PNPLA7: variants seen among roughly 807,000 people sequenced by gnomAD.
PNPLA7 encodes the protein patatin like domain 7, lysophospholipase, also known as patatin-like phospholipase domain-containing protein 7.
Under a neutral mutation model 161.7 loss-of-function variants are expected in PNPLA7, and 153 were observed. The observed-to-expected ratio is 0.95, with a 90% CI of 0.83 to 1.08. The LOEUF is 1.08. Among genes scored for constraint, PNPLA7 ranks in the 50% least tolerant of loss-of-function variants. The pLI, the probability that PNPLA7 is intolerant of heterozygous loss-of-function variation, is 0.00. For missense variants in PNPLA7, 1,739 were observed against 1,856.6 expected, an observed-to-expected ratio of 0.94 and a Z score of 1.16; for synonymous variants, 809 against 782.1, an observed-to-expected ratio of 1.03 and a Z score of -0.57.
rs942605084 is a variant in PNPLA7, at chr9:137,468,816, T to C, written c.2883-1343A>G. Among the ~76,000 whole-genome samples, 16 of 152,170 alleles carry C rather than the reference T, an allele frequency of 1.1e-4. No homozygotes were observed. Among genetic ancestry groups the C allele is most frequent in the African/African-American group, 3.9e-4 (16 of 41,430 alleles). ...TGTAACAACATTGTATCATTAATTA[T>C]ATTAATATGATATATTAATACTTAA... On this transcript the variant is annotated intron_variant, in intron 25 of 34. Coordinates refer to ENST00000406427, the MANE Select transcript of PNPLA7 (RefSeq NM_001098537.3). This position sits in a 1 kb window ranked among gnomAD's most constrained non-coding sequence, Gnocchi z 4.0.
chr9:137,535,479 G>A (rs1354366020), intron 8 of PNPLA7, among the ~76,000 whole-genome samples: 1 of 152,184 alleles, frequency 6.6e-6, no homozygotes, highest in Non-Finnish European at 1.5e-5. Context: ...TCAGGGCCAG[G>A]CGCAGTGGCT....
At chr9:137,539,007 G>A (rs763708952) in intron 8 of PNPLA7, among the ~76,000 whole-genome samples, 17 of 152,236 alleles carry the variant, frequency 1.1e-4, no homozygotes, top group African/African-American at 2.2e-4. Flanking sequence ...AGCCAAGATC[G>A]TGGCACTGCA....
intron 11 of PNPLA7, 140 bp downstream of exon 11, chr9:137,519,777 C>G (rs1834892088): frequency 1.7e-6 from 2 of 1,154,818 alleles, no homozygotes; most frequent in Non-Finnish European, 2.4e-6. Flanking sequence ...GTAGGGTGAC[C>G]TGGGCCGTGT....
rs374527794 is a variant in PNPLA7, at chr9:137,464,208, G to A, written c.3157-13C>T. 39 of 1,613,642 alleles carry A rather than the reference G, an allele frequency of 2.4e-5. 1 individual carries two copies. In the South Asian group the frequency reaches 2.7e-4, roughly 11 times the overall value. On this transcript the variant is annotated splice_polypyrimidine_tract_variant and intron_variant, in intron 27 of 34. Coordinates refer to ENST00000406427, the MANE Select transcript of PNPLA7 (RefSeq NM_001098537.3). ...GAATCCACAGGTCCTGCGGGCGGAC[G>A]GGGCTCAGATGGGCCCTCTCCCATC... is the stretch of plus-strand genomic sequence containing the variant.
rs929535575 is a variant in PNPLA7 at position 137,541,444 on chromosome 9, C to G, written c.667-722G>C. 1.3e-4 allele frequency: 130 copies of G among 985,360 alleles called. No individual in the cohort carries two copies. The highest frequency in any genetic ancestry group is 1.5e-4 in the Non-Finnish European group (124 of 829,944). The allele number at this position is 985,360 out of a possible 1,614,324, so 61.0% of individuals were successfully genotyped here. ...GAGAACCAAATAATTTGCCCAGCAG[C>G]GCTTTTGGTCTAGAAACCCCGACAG... On this transcript the variant is annotated intron_variant, in intron 7 of 34. Transcript: ENST00000406427. This position sits in a 1 kb window ranked among gnomAD's most constrained non-coding sequence, Gnocchi z 4.4.
At chr9:137,526,582 TC>T (rs1415107400) in intron 8 of PNPLA7, among the ~76,000 whole-genome samples, 2 of 152,188 alleles carry the variant, frequency 1.3e-5, no homozygotes, top group Non-Finnish European at 2.9e-5. Flanking sequence ...TGGCCGATTT[TC>T]ATCCTTTGTA....
intron 26 of PNPLA7, among the ~76,000 whole-genome samples, chr9:137,465,763 T>C (rs577545896): frequency 6.6e-6 from 1 of 152,270 alleles, no homozygotes; most frequent in Admixed American, 6.5e-5. Context: ...TTTTCTTTCC[T>C]TTTAAAAGGA....
intron 25 of PNPLA7, among the ~76,000 whole-genome samples, chr9:137,470,311 TG>T (rs1213715499): frequency 4.6e-5 from 7 of 152,340 alleles, no homozygotes; most frequent in African/African-American, 1.7e-4. Flanking sequence ...GCACCGCGCC[TG>T]GCCTCTTGGA....
rs1315156998 is a variant in PNPLA7 at position 137,499,283 on chromosome 9, G to A, written c.1758-1038C>T. Among the ~76,000 whole-genome samples, 1 of 150,912 alleles carries A rather than the reference G, an allele frequency of 6.6e-6. No individual in the cohort carries two copies. Among genetic ancestry groups the A allele is most frequent in the Admixed American group, 6.6e-5 (1 of 15,146 alleles). On this transcript the variant is annotated intron_variant, in intron 16 of 34. Coordinates refer to ENST00000406427, the MANE Select transcript of PNPLA7 (RefSeq NM_001098537.3). The surrounding 1 kb of genome is among the most constrained non-coding windows in gnomAD (Gnocchi z 5.5). ...ACACATGGACACATGTAGACACAGA[G>A]ACAGACACACGGACACATGCAGACA...
intron 12 of PNPLA7, among the ~76,000 whole-genome samples, chr9:137,506,937 C>G (rs142675844): frequency 6.8e-4 from 104 of 152,360 alleles, no homozygotes; most frequent in Middle Eastern, 3.4e-3. Flanking sequence ...CAGCGGAATA[C>G]AGAGGAACCG....
At position 137,500,962 on chromosome 9, in the gene PNPLA7, C is replaced by G; in HGVS notation, c.1552-66G>C. 1.4e-6 allele frequency: 2 copies of G among 1,445,390 alleles called. No homozygotes were observed. The highest frequency in any genetic ancestry group is 1.9e-6 in the Non-Finnish European group (2 of 1,074,078). 89.5% of individuals were successfully genotyped at this position (1,445,390 alleles called of 1,614,324 possible). Reference sequence around the variant, plus strand: ...CGGGCAGGACGGGGGCAGCTCTGGGCCCAGAGCGGACGATGCCACCAGGCT... The same window carrying G: ...CGGGCAGGACGGGGGCAGCTCTGGGGCCAGAGCGGACGATGCCACCAGGCT... On this transcript the variant is annotated intron_variant, in intron 15 of 34. Transcript: ENST00000406427. This position sits in a 1 kb window ranked among gnomAD's most constrained non-coding sequence, Gnocchi z 5.5.
intron 20 of PNPLA7, among the ~76,000 whole-genome samples, chr9:137,485,836 C>A (rs1040785543): frequency 6.6e-6 from 1 of 152,180 alleles, no homozygotes; most frequent in Non-Finnish European, 1.5e-5. Flanking sequence ...GGCTGAGGGG[C>A]CCCTCGGCCA....
intron 14 of PNPLA7, among the ~76,000 whole-genome samples, chr9:137,503,253 G>C (rs780236029): frequency 6.6e-6 from 1 of 151,956 alleles, no homozygotes; most frequent in Non-Finnish European, 1.5e-5. Flanking sequence ...GTGTTAGTGA[G>C]GCCTGTGGTT....
intron 8 of PNPLA7, among the ~76,000 whole-genome samples, chr9:137,534,058 C>G (rs528614774): frequency 1.3e-5 from 2 of 151,494 alleles, no homozygotes; most frequent in Non-Finnish European, 2.9e-5. Context: ...CAGACTCCTC[C>G]CCAACAGTGT....
At position 137,501,633 on chromosome 9, in the gene PNPLA7, C is replaced by A. The variant is rs201358792; in HGVS notation, c.1551+17G>T. On this transcript the variant is annotated intron_variant, in intron 15 of 34. Transcript: ENST00000406427. ...GCATTGGGTGGTCCCAGTGCCCCCC[C>A]CCAGACCCCCGCTCACCTGGTCTCC... 120 of 1,610,340 alleles carry A rather than the reference C, an allele frequency of 7.5e-5. No individual in the cohort carries two copies. Among genetic ancestry groups the A allele is most frequent in the Non-Finnish European group, 9.0e-5 (106 of 1,178,914 alleles).
rs1170853870 is a variant in PNPLA7, at chr9:137,462,049, CA to C, written c.3646-9del. The C allele has an allele frequency of 6.3e-7, 1 of 1,581,684 alleles. No individual in the cohort carries two copies. The highest frequency in any genetic ancestry group is 1.7e-4 in the Middle Eastern group (1 of 5,982). ...GTGCTGGTAGCCCACTTCCTGTGCA[CA>C]CCCCCAGGGCCCCGTCAGGAGGTGT... is the stretch of plus-strand genomic sequence containing the variant. On this transcript the variant is annotated splice_polypyrimidine_tract_variant and intron_variant, in intron 31 of 34. Coordinates refer to ENST00000406427, the MANE Select transcript of PNPLA7 (RefSeq NM_001098537.3).
chr9:137,516,896 C>T (rs1378894954), intron 11 of PNPLA7, among the ~76,000 whole-genome samples: 1 of 151,742 alleles, frequency 6.6e-6, no homozygotes, highest in Non-Finnish European at 1.5e-5. Context: ...GCCAGAGCTG[C>T]GTTTAAAGGT....
chr9:137,505,413 CTT>C (rs761851301), intron 14 of PNPLA7, among the ~76,000 whole-genome samples, 199 bp downstream of exon 14: 1 of 152,150 alleles, frequency 6.6e-6, no homozygotes, highest in African/African-American at 2.4e-5. Flanking sequence ...AAAGCTTCGG[CTT>C]TGAGTTTGAA....
chr9:137,461,598 G>T lies in PNPLA7; in HGVS notation c.3779C>A (p.Ser1260Tyr). Residue 1260 changes from serine (S) to tyrosine (Y), a missense_variant, in exon 33 of 35, where the codon TCC (serine) becomes TAC (tyrosine). By Grantham distance (144) the Ser-to-Tyr change is moderately radical. Around this residue, in one of 6 missense-constraint regions of PNPLA7, gnomAD observed 703 missense variants for 694.6 expected, o/e 1.01. Coordinates refer to ENST00000406427, the MANE Select transcript of PNPLA7 (RefSeq NM_001098537.3). ...CACAATTTCGGCAAGGTCCGTGAAG[G>T]AGGCGTTGGGACAGGTGAGGACCTA... ...ASAVLTCPNASFTDLAEIVSR... is the reference protein window; with the variant it reads ...ASAVLTCPNAYFTDLAEIVSR... The T allele has an allele frequency of 1.2e-6, 2 of 1,612,754 alleles. No individual in the cohort carries two copies. The highest frequency in any genetic ancestry group is 1.1e-5 in the South Asian group (1 of 90,996).
Sources: gnomAD v4.1 joint callset for allele counts (sites outside exome capture counted in the v4.1 genomes callset) on GRCh38, gnomAD v4.1.1 for gene constraint, gnomAD v4.1.1 regional missense constraint, Gnocchi (gnomAD v3.1) non-coding constraint, MANE v1.5 for transcripts, NCBI Gene and HGNC (gene_info 2026-07-23, HGNC 2026-07-21) for gene names.